Variants in NBEAL1 observed in about 807,000 individuals in gnomAD.
NBEAL1 encodes the protein neurobeachin-like protein 1.
A neutral mutation model predicts 351.3 loss-of-function variants in NBEAL1; 273 were observed. The observed-to-expected ratio is 0.78, with a 90% CI of 0.70 to 0.86. The LOEUF is 0.86. NBEAL1 is among the 40% of genes least tolerant of loss of function. The pLI is 0.00. For missense variants in NBEAL1, 2,961 were observed against 3,201.3 expected, an observed-to-expected ratio of 0.92 and a Z score of 1.81; for synonymous variants, 1,050 against 1,086.4, an observed-to-expected ratio of 0.97 and a Z score of 0.66.
intron 19 of NBEAL1, among the ~76,000 whole-genome samples, chr2:203,123,491 C>T (rs1298092461): frequency 6.6e-6 from 1 of 151,848 alleles, no homozygotes. Context: ...TGCCACCACA[C>T]CCAGCTGATT....
intron 14 of NBEAL1, among the ~76,000 whole-genome samples, chr2:203,108,891 A>T (rs562640058): frequency 1.3e-5 from 2 of 152,026 alleles, no homozygotes; most frequent in African/African-American, 4.8e-5. Context: ...TACAAAAAAT[A>T]TAAAAATTAG....
intron 18 of NBEAL1, among the ~76,000 whole-genome samples, chr2:203,118,598 T>TA (rs1195536151): frequency 2.0e-5 from 3 of 151,820 alleles, no homozygotes; most frequent in Admixed American, 2.0e-4. Context: ...AGCCAACTTT[T>TA]TTTTTTTTTT....
intron 2 of NBEAL1, among the ~76,000 whole-genome samples, chr2:203,029,039 G>A (rs951641476): frequency 6.6e-6 from 1 of 152,152 alleles, no homozygotes; most frequent in Admixed American, 6.5e-5. Flanking sequence ...AGGCTGGAGT[G>A]CAATGGTGTG....
intron 7 of NBEAL1, among the ~76,000 whole-genome samples, chr2:203,071,773 G>C (rs986868982): frequency 6.6e-6 from 1 of 152,170 alleles, no homozygotes; most frequent in African/African-American, 2.4e-5. Context: ...TGTTGGAACA[G>C]GTATAGGATA....
intron 6 of NBEAL1, among the ~76,000 whole-genome samples, chr2:203,057,966 A>G (rs1017387773): frequency 6.6e-6 from 1 of 151,068 alleles, no homozygotes; most frequent in Non-Finnish European, 1.5e-5. Flanking sequence ...GCCTTAGCCT[A>G]CCGAGTAGCT....
intron 14 of NBEAL1, among the ~76,000 whole-genome samples, 190 bp from the exon 15 acceptor site, chr2:203,109,959 TA>T (rs1301412114): frequency 6.6e-6 from 1 of 152,176 alleles, no homozygotes; most frequent in African/African-American, 2.4e-5. Context: ...TTTTATTTAC[TA>T]AACTCTTATG....
At chr2:203,215,131 G>A (rs889007398) in intron 55 of NBEAL1, among the ~76,000 whole-genome samples, 1 of 152,252 alleles carries the variant, frequency 6.6e-6, no homozygotes, top group East Asian at 1.9e-4. Context: ...GCCAAGGCGG[G>A]CGGATCATGA....
At chr2:203,150,949 T>C (rs912832031) in intron 34 of NBEAL1, among the ~76,000 whole-genome samples, 4 of 152,192 alleles carry the variant, frequency 2.6e-5, no homozygotes, top group African/African-American at 9.7e-5. Flanking sequence ...AGATTCCTCA[T>C]GTATAAAGTG....
intron 2 of NBEAL1, among the ~76,000 whole-genome samples, chr2:203,018,470 C>G (rs72932588): frequency 0.092 from 13,989 of 151,994 alleles, 758 homozygotes; most frequent in Non-Finnish European, 0.12. Flanking sequence ...CAGTTTTTCT[C>G]ATTTGTTGAG....
intron 48 of NBEAL1, 97 bp downstream of exon 48, chr2:203,197,488 G>T (rs2065271414): frequency 4.9e-6 from 4 of 819,208 alleles, no homozygotes; most frequent in Non-Finnish European, 6.0e-6. Context: ...CCACTTTTTG[G>T]CTGTGCATGG....
chr2:203,111,769 G>A (rs1184896354), intron 15 of NBEAL1, among the ~76,000 whole-genome samples: 1 of 152,136 alleles, frequency 6.6e-6, no homozygotes, highest in East Asian at 1.9e-4. Context: ...AAAAGGTACT[G>A]TTACAATTGT....
intron 43 of NBEAL1, chr2:203,182,530 A>G (rs2064749874): frequency 1.3e-5 from 2 of 152,258 alleles, no homozygotes; most frequent in South Asian, 2.1e-4. Flanking sequence ...TAGCAAATAA[A>G]AAGAGGGAAT....
intron 1 of NBEAL1, among the ~76,000 whole-genome samples, chr2:203,015,248 G>A (rs2060657959): frequency 6.6e-6 from 1 of 152,140 alleles, no homozygotes. Flanking sequence ...TGGGATGTGA[G>A]GAGGAAATTA....
chr2:203,127,010 C>A, intron 23 of NBEAL1, 84 bp downstream of exon 23: 1 of 925,644 alleles, frequency 1.1e-6, no homozygotes, highest in Non-Finnish European at 1.6e-6. Flanking sequence ...TAGACTTTCT[C>A]TTTACCAGCG....
In NBEAL1 at chr2:203,221,305, T is replaced by A. The variant is rs2065951354; in HGVS notation, c.*3951T>A. ...TCCTTTTATATATTTATAAAATGAG[T>A]AGCATTATCTTTACCACCTTTCCAC... On this transcript the variant is annotated 3_prime_UTR_variant, in exon 56 of 56. Transcript: ENST00000683969. 6.6e-6 allele frequency among the ~76,000 whole-genome samples: 1 copy of A among 151,514 alleles called. No individual in the cohort carries two copies. The highest frequency in any genetic ancestry group is 1.5e-5 in the Non-Finnish European group (1 of 67,848).
At chr2:203,206,715 T>G (rs2065583404) in intron 51 of NBEAL1, among the ~76,000 whole-genome samples, 1 of 151,926 alleles carries the variant, frequency 6.6e-6, no homozygotes, top group African/African-American at 2.4e-5. Context: ...TCTCCTTCAC[T>G]CAGTGCTCAA....
rs1347273973 is a variant in NBEAL1 at position 203,127,786 on chromosome 2, G to A, written c.3254G>A (p.Gly1085Asp). 1 of 1,497,126 alleles carries A rather than the reference G, an allele frequency of 6.7e-7. No homozygotes were observed. Among genetic ancestry groups the A allele is most frequent in the Non-Finnish European group, 9.1e-7 (1 of 1,102,616 alleles). 92.7% of individuals were successfully genotyped at this position (1,497,126 alleles called of 1,614,324 possible). Residue 1085 changes from glycine (G) to aspartate (D), a missense_variant, in exon 24 of 56, where the codon GGT becomes GAT. Physicochemically the swap from Gly to Asp is moderately conservative, Grantham distance 94 (BLOSUM62 -1). Coordinates refer to ENST00000683969, the MANE Select transcript of NBEAL1 (RefSeq NM_001378026.1). ...LDTLRIYYGN[G>D]CKYNELSLDD... ...TACTTTGTTTTGTCTTTCAGGAATGGTTGTAAATATAATGAACTATCTCTA... is the reference window on the plus strand; with the variant it reads ...TACTTTGTTTTGTCTTTCAGGAATGATTGTAAATATAATGAACTATCTCTA...
At chr2:203,190,900 A>T (rs1266649065) in intron 46 of NBEAL1, 2 of 1,611,450 alleles carry the variant, frequency 1.2e-6, no homozygotes, top group Non-Finnish European at 1.7e-6. Context: ...GTCTCCAAAA[A>T]AGGTTGGTGA....
chr2:203,175,218 C>T lies in NBEAL1; in HGVS notation c.6395C>T (p.Ala2132Val), dbSNP rs768202948. The T allele has an allele frequency of 3.3e-5, 53 of 1,613,214 alleles. No homozygotes were observed. The highest frequency in any genetic ancestry group is 6.6e-5 in the South Asian group (6 of 90,998). ...FHYGTHYSNS[A>V]GVMHYLIRVE... is the part of the protein sequence containing the mutation. ...TATGGTACTCACTATTCAAATTCTGCGGGGGTCATGCACTATCTCATTCGT... is the reference window on the plus strand; with the variant it reads ...TATGGTACTCACTATTCAAATTCTGTGGGGGTCATGCACTATCTCATTCGT... Residue 2132 changes from alanine (A) to valine (V), a missense_variant, in exon 42 of 56, where the codon GCG becomes GTG. By Grantham distance (64) the Ala-to-Val change is moderately conservative. Coordinates refer to ENST00000683969, the MANE Select transcript of NBEAL1 (RefSeq NM_001378026.1).
Sources: gnomAD v4.1 joint callset for allele counts (sites outside exome capture counted in the v4.1 genomes callset) on GRCh38, gnomAD v4.1.1 for gene constraint, MANE v1.5 for transcripts, NCBI Gene and HGNC (gene_info 2026-07-23, HGNC 2026-07-21) for gene names.